BIRC6: variants seen among roughly 807,000 people sequenced by gnomAD.
BIRC6 encodes the protein baculoviral IAP repeat containing 6, also known as dual E2 ubiquitin-conjugating enzyme/E3 ubiquitin-protein ligase BIRC6.
Under a neutral mutation model 503.3 loss-of-function variants are expected in BIRC6, and 98 were observed. The observed-to-expected ratio is 0.19, with a 90% CI of 0.17 to 0.23. The LOEUF is 0.23. BIRC6 is among the 10% of genes least tolerant of loss of function. The pLI, the probability that BIRC6 is intolerant of heterozygous loss-of-function variation, is 1.00. For missense variants in BIRC6, 5,360 were observed against 5,806.0 expected (o/e 0.92, Z 2.50); for synonymous variants, 2,240 against 2,078.7 (o/e 1.08, Z -2.11).
Position 32,600,031 on chromosome 2 carries a change from G to C in BIRC6, c.13992+131G>C, listed in dbSNP as rs114695942. On this transcript the variant is annotated intron_variant, in intron 70 of 73. Coordinates refer to ENST00000421745, the MANE Select transcript of BIRC6 (RefSeq NM_016252.4). Reference sequence around the variant, plus strand: ...GTTTCTTTGTACTTCTCTTCCCTACGTCCAGATTAGCTTAAGCAATAGAAG... The same window carrying C: ...GTTTCTTTGTACTTCTCTTCCCTACCTCCAGATTAGCTTAAGCAATAGAAG... 7.4e-4 allele frequency: 592 copies of C among 804,728 alleles called. 7 individuals are homozygous for C. The African/African-American group carries it at 9.6e-3, about 13-fold the overall frequency. 49.8% of individuals were successfully genotyped at this position (804,728 alleles called of 1,614,324 possible).
In BIRC6 at chr2:32,515,177, C is replaced by A; in HGVS notation, c.10756C>A (p.Gln3586Lys). Residue 3586 changes from glutamine to lysine, a missense_variant, in exon 55 of 74, where the codon CAG becomes AAG. Physicochemically the swap from Gln to Lys is moderately conservative, Grantham distance 53. Transcript: ENST00000421745. ...RLSMTDDSKK[Q>K]DLSSSLTDDS... ...GTCCATGACAGATGATAGCAAAAAGCAGGATCTTAGTTCATCTTTAACAGA... is the reference window on the plus strand; with the variant it reads ...GTCCATGACAGATGATAGCAAAAAGAAGGATCTTAGTTCATCTTTAACAGA... The A allele has an allele frequency of 6.2e-7, 1 of 1,613,938 alleles. No homozygotes were observed. The highest frequency in any genetic ancestry group is 1.1e-5 in the South Asian group (1 of 91,080).
intron 54 of BIRC6, among the ~76,000 whole-genome samples, chr2:32,514,229 G>T (rs776385338): frequency 7.2e-5 from 11 of 152,094 alleles, no homozygotes; most frequent in South Asian, 2.1e-4. Flanking sequence ...GCTGAGGTGG[G>T]AGGATCACTT....
intron 9 of BIRC6, among the ~76,000 whole-genome samples, chr2:32,414,198 A>C (rs1238605335): frequency 6.6e-6 from 1 of 152,092 alleles, no homozygotes; most frequent in African/African-American, 2.4e-5. Flanking sequence ...AATTGCTTGA[A>C]CCTGGGAGGC....
intron 34 of BIRC6, 123 bp downstream of exon 34, chr2:32,476,467 C>A: frequency 3.0e-6 from 3 of 1,016,582 alleles, no homozygotes; most frequent in Non-Finnish European, 4.1e-6. Flanking sequence ...CTACTCTGGA[C>A]TTTTTTTTGG....
Position 32,476,285 on chromosome 2 carries a change from A to C in BIRC6, c.6793A>C (p.Lys2265Gln). 1.3e-6 allele frequency: 2 copies of C among 1,566,958 alleles called. No individual in the cohort carries two copies. Among genetic ancestry groups the C allele is most frequent in the Non-Finnish European group, 1.7e-6 (2 of 1,154,490 alleles). Residue 2265 changes from lysine (K) to glutamine (Q), a missense_variant, in exon 34 of 74, where the codon AAA becomes CAA. Physicochemically the swap from Lys to Gln is moderately conservative, Grantham distance 53. Coordinates refer to ENST00000421745, the MANE Select transcript of BIRC6 (RefSeq NM_016252.4). ...QMEKEKIQSN[K>Q]GSSYKLLVEQ... ...GGAAAAAGAAAAAATACAAAGTAAC[A>C]AAGGATCATCATATAAACTCCTGGT...
intron 62 of BIRC6, among the ~76,000 whole-genome samples, chr2:32,544,434 C>T (rs1317497864): frequency 6.7e-6 from 1 of 150,200 alleles, no homozygotes; most frequent in East Asian, 1.9e-4. Context: ...TACAGGATAG[C>T]CTCACAAGTA....
intron 22 of BIRC6, chr2:32,449,210 C>T: frequency 4.1e-6 from 1 of 246,014 alleles, no homozygotes; most frequent in Non-Finnish European, 7.7e-6. Context: ...GCTTATGAGA[C>T]TATTTAAAAT....
chr2:32,429,091 A>G, intron 10 of BIRC6, 55 bp from the exon 11 acceptor site: 1 of 1,426,274 alleles, frequency 7.0e-7, no homozygotes, highest in African/African-American at 1.4e-5. Flanking sequence ...ATTACATTTG[A>G]ATATTTGAAT....
chr2:32,596,599 G>C (rs2061690901), intron 68 of BIRC6, among the ~76,000 whole-genome samples: 1 of 152,078 alleles, frequency 6.6e-6, no homozygotes, highest in African/African-American at 2.4e-5. Context: ...ACTAAGTCCA[G>C]CCAACACTCA....
intron 50 of BIRC6, among the ~76,000 whole-genome samples, chr2:32,507,679 T>G (rs938653610): frequency 6.6e-6 from 1 of 152,230 alleles, no homozygotes; most frequent in Non-Finnish European, 1.5e-5. Flanking sequence ...TTGGCTGGTT[T>G]TATTCATAGG....
At chr2:32,380,376 G>C in intron 3 of BIRC6, 86 bp downstream of exon 3, 1 of 1,420,238 alleles carries the variant, frequency 7.0e-7, no homozygotes, top group South Asian at 1.7e-5. Flanking sequence ...TCTCCTTTTG[G>C]AAATGTTCTA....
At chr2:32,501,594 C>T in intron 46 of BIRC6, 119 bp from the exon 47 acceptor site, 1 of 729,714 alleles carries the variant, frequency 1.4e-6, no homozygotes, top group Non-Finnish European at 2.1e-6. Context: ...TGGTTTTGAA[C>T]TCCTGAAGTC....
In BIRC6 at chr2:32,543,390, A is replaced by T. The variant is rs751293641; in HGVS notation, c.12441A>T (p.Val4147=). 34 of 1,614,026 alleles carry T rather than the reference A, an allele frequency of 2.1e-5. No homozygotes were observed. Among genetic ancestry groups the T allele is most frequent in the Non-Finnish European group, 2.8e-5 (33 of 1,179,902 alleles). The change falls in exon 62 of 74, where the codon GTA becomes GTT. Residue 4147 remains valine (V), a synonymous_variant. Transcript: ENST00000421745. Reference sequence around the variant, plus strand: ...AACCTCCACCTATCAAGTCAGCAGTACAGACCATGTCTCCCATACCTGCCC... The same window carrying T: ...AACCTCCACCTATCAAGTCAGCAGTTCAGACCATGTCTCCCATACCTGCCC... ...AAEPPPIKSA[V]QTMSPIPAHS...
intron 66 of BIRC6, among the ~76,000 whole-genome samples, chr2:32,578,148 T>C (rs1559092004): frequency 6.6e-6 from 1 of 152,176 alleles, no homozygotes; most frequent in Admixed American, 6.6e-5. Flanking sequence ...TGTTACTACA[T>C]CTCTACTTTC....
intron 1 of BIRC6, among the ~76,000 whole-genome samples, chr2:32,373,194 A>T (rs1486010527): frequency 6.6e-6 from 1 of 152,224 alleles, no homozygotes; most frequent in Non-Finnish European, 1.5e-5. Context: ...ATTCCTATCA[A>T]AATCCCAGTA....
At chr2:32,514,572 C>G (rs2054811391) in intron 54 of BIRC6, among the ~76,000 whole-genome samples, 1 of 152,196 alleles carries the variant, frequency 6.6e-6, no homozygotes, top group Admixed American at 6.5e-5. Flanking sequence ...TAATCCATGA[C>G]TTAATTACTG....
At chr2:32,599,932 C>G (rs988857381) in intron 70 of BIRC6, 32 bp downstream of exon 70, 1 of 1,592,072 alleles carries the variant, frequency 6.3e-7, no homozygotes, top group Admixed American at 1.8e-5. Flanking sequence ...GTTTCAAATG[C>G]CAATGATTGT....
intron 53 of BIRC6, among the ~76,000 whole-genome samples, chr2:32,511,201 C>CTTTTTTTTTTTTTTTTTTTTTT: frequency 2.1e-5 from 1 of 48,584 alleles, no homozygotes; most frequent in African/African-American, 8.9e-5. Flanking sequence ...CTTTTCTTTT[C>CTTTTTTTTTTTTTTTTTTTTTT]TTTTTTTTTT....
chr2:32,586,482 T>C (rs943104423), intron 66 of BIRC6, among the ~76,000 whole-genome samples: 1 of 143,072 alleles, frequency 7.0e-6, no homozygotes, highest in African/African-American at 2.6e-5. Flanking sequence ...ACCCAGGCTA[T>C]GTGGCACTAT....
Sources: allele counts gnomAD v4.1 joint callset (sites outside exome capture counted in the v4.1 genomes callset), GRCh38; gene constraint gnomAD v4.1.1; transcripts MANE v1.5; gene names NCBI Gene and HGNC (gene_info 2026-07-23, HGNC 2026-07-21).